Variants in MCU observed in about 807,000 individuals in gnomAD.
MCU encodes the protein calcium uniporter protein, mitochondrial.
MCU carries 12 observed loss-of-function variants against 45.2 expected under a neutral mutation model. The observed-to-expected ratio is 0.27, with a 90% CI of 0.17 to 0.43. The LOEUF (loss-of-function observed/expected upper bound fraction) is 0.43. Ranked by LOEUF, MCU falls within the 20% of genes least tolerant of loss-of-function variation. MCU has a pLI of 1.00. For missense variants in MCU, 324 were observed against 436.7 expected (o/e 0.74, Z 2.30); for synonymous variants, 160 against 165.1 (o/e 0.97, Z 0.24).
intron 1 of MCU, among the ~76,000 whole-genome samples, chr10:72,734,368 C>T (rs1843222581): frequency 6.6e-6 from 1 of 152,106 alleles, no homozygotes; most frequent in Middle Eastern, 3.2e-3. Context: ...ACAAAATATA[C>T]ATTGGATTAT....
intron 1 of MCU, among the ~76,000 whole-genome samples, chr10:72,736,946 G>A (rs537462654): frequency 6.6e-6 from 1 of 152,268 alleles, no homozygotes; most frequent in Non-Finnish European, 1.5e-5. Context: ...CAGGCTGGTC[G>A]CTTTCAATGT....
intron 1 of MCU, among the ~76,000 whole-genome samples, chr10:72,775,191 A>G (rs542792667): frequency 6.6e-6 from 1 of 152,302 alleles, no homozygotes; most frequent in African/African-American, 2.4e-5. Flanking sequence ...AATAATATCA[A>G]GTATCTTTTC....
At chr10:72,881,614 G>A (rs1845702339) in intron 6 of MCU, among the ~76,000 whole-genome samples, 1 of 152,172 alleles carries the variant, frequency 6.6e-6, no homozygotes, top group South Asian at 2.1e-4. Context: ...CTTGCAGTAT[G>A]TATACCCTAC....
intron 1 of MCU, among the ~76,000 whole-genome samples, chr10:72,791,261 T>C (rs1844155994): frequency 6.6e-6 from 1 of 152,218 alleles, no homozygotes; most frequent in South Asian, 2.1e-4. Context: ...ATCACATGTA[T>C]GAAGCTCAGC....
chr10:72,825,297 C>T (rs1425377592), intron 1 of MCU, among the ~76,000 whole-genome samples: 1 of 152,152 alleles, frequency 6.6e-6, no homozygotes, highest in Admixed American at 6.5e-5. Context: ...TCACCAGTTA[C>T]TCATCTTTTG....
intron 1 of MCU, among the ~76,000 whole-genome samples, chr10:72,698,591 G>A (rs186033810): frequency 1.4e-3 from 213 of 152,228 alleles, no homozygotes; most frequent in South Asian, 3.7e-3. Flanking sequence ...TGCAACCTCC[G>A]CCTCTCGGGT....
At chr10:72,814,944 G>A (rs4353194) in intron 1 of MCU, among the ~76,000 whole-genome samples, 85,770 of 151,796 alleles carry the variant, frequency 0.57, 25,543 homozygotes, top group Non-Finnish European at 0.67. Context: ...AAGAAAAATA[G>A]AAGCATTAGA....
At chr10:72,834,337 A>T (rs750146514) in intron 1 of MCU, 22 bp from the exon 2 acceptor site, 9 of 1,596,110 alleles carry the variant, frequency 5.6e-6, no homozygotes, top group Non-Finnish European at 6.9e-6. Flanking sequence ...CTGACAGTAG[A>T]TGTATCTTTT....
intron 1 of MCU, among the ~76,000 whole-genome samples, chr10:72,800,256 T>C (rs1844318510): frequency 6.6e-6 from 1 of 152,226 alleles, no homozygotes. Flanking sequence ...ACCTTTTGCT[T>C]TCTGATGGTT....
chr10:72,885,835 C>G lies in MCU; in HGVS notation c.*13C>G. The G allele has an allele frequency of 6.2e-7, 1 of 1,608,900 alleles. No individual in the cohort carries two copies. The highest frequency in any genetic ancestry group is 1.1e-5 in the South Asian group (1 of 90,876). ...TGAAAAAGATTGATCTGCAAAAAGC[C>G]TCTGAATCCTGGCAGAAGGAACACC... On this transcript the variant is annotated 3_prime_UTR_variant, in exon 8 of 8. Transcript: ENST00000373053.
intron 1 of MCU, among the ~76,000 whole-genome samples, chr10:72,771,537 A>G (rs1288970282): frequency 6.6e-6 from 1 of 152,148 alleles, no homozygotes; most frequent in Non-Finnish European, 1.5e-5. Context: ...CTGATTTATA[A>G]TCTGCCTTCA....
chr10:72,711,708 CTTTTTTT>C (rs759213032), intron 1 of MCU, among the ~76,000 whole-genome samples: 7 of 114,660 alleles, frequency 6.1e-5, no homozygotes, highest in Admixed American at 3.6e-4. Flanking sequence ...GACTGTGTTT[CTTTTTTT>C]TTTTTTTTTT....
At chr10:72,729,496 T>G (rs189859203) in intron 1 of MCU, among the ~76,000 whole-genome samples, 12 of 152,250 alleles carry the variant, frequency 7.9e-5, no homozygotes, top group South Asian at 2.1e-4. Flanking sequence ...AAACTGCTTT[T>G]TATATTCCTT....
At chr10:72,824,409 A>G (rs1589481339) in intron 1 of MCU, among the ~76,000 whole-genome samples, 1 of 143,028 alleles carries the variant, frequency 7.0e-6, no homozygotes, top group African/African-American at 2.7e-5. Context: ...GGGTTTCACC[A>G]TGTTGGTCAG....
chr10:72,793,550 C>T (rs1844199465), intron 1 of MCU, among the ~76,000 whole-genome samples: 1 of 152,092 alleles, frequency 6.6e-6, no homozygotes, highest in East Asian at 1.9e-4. Flanking sequence ...TTATTATTAT[C>T]TCTTAATAGT....
chr10:72,717,415 C>T (rs534719143), intron 1 of MCU, among the ~76,000 whole-genome samples: 4 of 152,134 alleles, frequency 2.6e-5, no homozygotes, highest in South Asian at 4.1e-4. Flanking sequence ...CCCGCCACCA[C>T]GCCCGCTTAA....
At chr10:72,833,743 T>C (rs1844912953) in intron 1 of MCU, among the ~76,000 whole-genome samples, 1 of 152,238 alleles carries the variant, frequency 6.6e-6, no homozygotes, top group South Asian at 2.1e-4. Flanking sequence ...CAGATCCACA[T>C]CCACAGTGAT....
chr10:72,851,251 C>G (rs1242043725), intron 2 of MCU, among the ~76,000 whole-genome samples: 1 of 152,208 alleles, frequency 6.6e-6, no homozygotes, highest in African/African-American at 2.4e-5. Context: ...TTCATATTCT[C>G]TGTTGACTTT....
intron 3 of MCU, 39 bp downstream of exon 3, chr10:72,859,386 A>C (rs1845342413): frequency 6.5e-7 from 1 of 1,544,186 alleles, no homozygotes; most frequent in African/African-American, 1.4e-5. Context: ...TCTATCCCTC[A>C]TTTCACCCCA....
Sources: allele counts gnomAD v4.1 joint callset (sites outside exome capture counted in the v4.1 genomes callset), GRCh38; gene constraint gnomAD v4.1.1; transcripts MANE v1.5; gene names NCBI Gene and HGNC (gene_info 2026-07-23, HGNC 2026-07-21).